Variants in UGGT1 observed in about 807,000 individuals in gnomAD.
UGGT1 encodes UDP-glucose glycoprotein glucosyltransferase 1, also known as UDP-glucose:glycoprotein glucosyltransferase 1.
Under a neutral mutation model 203.9 loss-of-function variants are expected in UGGT1, and 107 were observed. That is an observed-to-expected ratio of 0.52 (90% CI 0.45 to 0.62). The LOEUF (loss-of-function observed/expected upper bound fraction) is 0.62, where lower values mean the gene tolerates loss of function less well. Ranked by LOEUF, UGGT1 falls within the 20% of genes least tolerant of loss-of-function variation. The probability of loss-of-function intolerance (pLI) is 0.00; values close to 1 mark genes in which losing one functional copy is unlikely to be tolerated. For synonymous variants in UGGT1, 628 were observed against 653.5 expected, an observed-to-expected ratio of 0.96 and a Z score of 0.59; for missense variants, 1,673 against 1,867.2, an observed-to-expected ratio of 0.90 and a Z score of 1.92.
At chr2:128,132,463 G>A (rs141240240) in intron 13 of UGGT1, among the ~76,000 whole-genome samples, 169 of 152,220 alleles carry the variant, frequency 1.1e-3, no homozygotes, top group African/African-American at 2.4e-3. Context: ...CACGAGAATC[G>A]TTTGAACCCA....
At chr2:128,173,644 C>T (rs907895234) in intron 29 of UGGT1, 137 bp from the exon 30 acceptor site, 1 of 1,095,134 alleles carries the variant, frequency 9.1e-7, no homozygotes. Flanking sequence ...ATACTTTTGT[C>T]TTTTCTTGAA....
In UGGT1 at chr2:128,189,697, G is replaced by A. The variant is rs752873831; in HGVS notation, c.4643-20G>A. 3.7e-6 allele frequency: 6 copies of A among 1,608,610 alleles called. No individual in the cohort carries two copies. The highest frequency in any genetic ancestry group is 1.1e-5 in the South Asian group (1 of 90,172). On this transcript the variant is annotated intron_variant, in intron 40 of 40. Coordinates refer to ENST00000259253, the MANE Select transcript of UGGT1 (RefSeq NM_020120.4). ...TTGAAGATCATCTGTTTTCTTTTCT[G>A]TGGTTCTCCTTTTCCTTAGGTCCTC...
intron 38 of UGGT1, 98 bp from the exon 39 acceptor site, chr2:128,186,585 T>G: frequency 1.0e-6 from 1 of 958,516 alleles, no homozygotes; most frequent in South Asian, 1.7e-5. Context: ...CCAACCTGGG[T>G]GACAGAGTGG....
chr2:128,185,946 G>A (rs1009401782), intron 38 of UGGT1, among the ~76,000 whole-genome samples: 2 of 152,042 alleles, frequency 1.3e-5, no homozygotes, highest in Admixed American at 6.5e-5. Flanking sequence ...GGTAGCATTG[G>A]CTAGAAAAAA....
At position 128,189,834 on chromosome 2, in the gene UGGT1, A is replaced by T; in HGVS notation, c.*92A>T. 1 of 1,469,504 alleles carries T rather than the reference A, an allele frequency of 6.8e-7. No homozygotes were observed. 91.0% of individuals were successfully genotyped at this position (1,469,504 alleles called of 1,614,324 possible). On this transcript the variant is annotated 3_prime_UTR_variant, in exon 41 of 41. Coordinates refer to ENST00000259253, the MANE Select transcript of UGGT1 (RefSeq NM_020120.4). Reference sequence around the variant, plus strand: ...CTGATCTGTCTATACAACTGCTGATAAGCCGGCTGGGCAGGAGTGCCACAC... The same window carrying T: ...CTGATCTGTCTATACAACTGCTGATTAGCCGGCTGGGCAGGAGTGCCACAC...
At chr2:128,157,784 C>T (rs1351453220) in intron 22 of UGGT1, among the ~76,000 whole-genome samples, 2 of 152,170 alleles carry the variant, frequency 1.3e-5, no homozygotes, top group Non-Finnish European at 2.9e-5. Flanking sequence ...GGGATACACA[C>T]ATAGGTGTTC....
At chr2:128,100,120 C>A (rs1237877992) in intron 2 of UGGT1, among the ~76,000 whole-genome samples, 1 of 149,464 alleles carries the variant, frequency 6.7e-6, no homozygotes, top group Non-Finnish European at 1.5e-5. Context: ...ACCTCTGCCT[C>A]CCAGGTTCAA....
At chr2:128,164,697 A>G in intron 25 of UGGT1, 33 bp from the exon 26 acceptor site, 4 of 1,579,038 alleles carry the variant, frequency 2.5e-6, no homozygotes, top group African/African-American at 1.3e-5. Flanking sequence ...TCAGTTAAAA[A>G]GATGTTAAGA....
chr2:128,141,828 A>C (rs1447316161), intron 16 of UGGT1, among the ~76,000 whole-genome samples: 4 of 151,976 alleles, frequency 2.6e-5, no homozygotes, highest in African/African-American at 7.2e-5. Flanking sequence ...AAAAAAAATC[A>C]AATAAATAAT....
chr2:128,138,095 GA>G (rs202129211), intron 15 of UGGT1, among the ~76,000 whole-genome samples: 30 of 148,044 alleles, frequency 2.0e-4, no homozygotes, highest in African/African-American at 4.7e-4. Context: ...TTTAAAATCA[GA>G]AAAAAAAAAT....
At chr2:128,160,659 G>C in intron 24 of UGGT1, 68 bp downstream of exon 24, 1 of 1,535,650 alleles carries the variant, frequency 6.5e-7, no homozygotes, top group South Asian at 1.2e-5. Context: ...CTCCTCTGAA[G>C]CTAGTAAACT....
Position 128,171,253 on chromosome 2 carries a change from C to A in UGGT1, c.3073C>A (p.Gln1025Lys), listed in dbSNP as rs757882355. 1 of 1,613,310 alleles carries A rather than the reference C, an allele frequency of 6.2e-7. No individual in the cohort carries two copies. The highest frequency in any genetic ancestry group is 8.5e-7 in the Non-Finnish European group (1 of 1,179,722). ...GAATCTGAGAGTATTTATGAACTGCCAATCCAAACTTTCTGACATGCCTTT... is the reference window on the plus strand; with the variant it reads ...GAATCTGAGAGTATTTATGAACTGCAAATCCAAACTTTCTGACATGCCTTT... ...NMNLRVFMNC[Q>K]SKLSDMPLKS... is the part of the protein sequence containing the mutation. Residue 1025 changes from glutamine (Q) to lysine (K), a missense_variant, in exon 28 of 41, where the codon CAA becomes AAA. Physicochemically the swap from Gln to Lys is moderately conservative, Grantham distance 53 (BLOSUM62 1). Around this residue, in one of 4 missense-constraint regions of UGGT1, gnomAD observed 513 missense variants for 684.1 expected, o/e 0.75. Transcript: ENST00000259253.
At chr2:128,184,854 G>A (rs886869657) in intron 38 of UGGT1, among the ~76,000 whole-genome samples, 1 of 152,048 alleles carries the variant, frequency 6.6e-6, no homozygotes, top group African/African-American at 2.4e-5. Context: ...GCTAATTTTT[G>A]TATTTTCAGT....
chr2:128,136,219 A>C (rs537402958), intron 15 of UGGT1, among the ~76,000 whole-genome samples: 1 of 152,152 alleles, frequency 6.6e-6, no homozygotes, highest in African/African-American at 2.4e-5. Flanking sequence ...ATATTGATAC[A>C]TTATTATTAA....
chr2:128,183,818 T>C, intron 38 of UGGT1, 29 bp downstream of exon 38: 1 of 1,539,584 alleles, frequency 6.5e-7, no homozygotes, highest in Admixed American at 1.7e-5. Flanking sequence ...TGGTTAACTG[T>C]GAGTGACGGG....
intron 1 of UGGT1, among the ~76,000 whole-genome samples, chr2:128,092,542 C>CT (rs970978897): frequency 9.6e-5 from 14 of 146,242 alleles, no homozygotes; most frequent in African/African-American, 2.5e-4. Context: ...TGAGCATTTT[C>CT]TTTTTTTATC....
At chr2:128,181,296 G>A (rs191219185) in intron 36 of UGGT1, among the ~76,000 whole-genome samples, 2 of 152,270 alleles carry the variant, frequency 1.3e-5, no homozygotes, top group African/African-American at 4.8e-5. Flanking sequence ...ATGACATAAT[G>A]TGTGCAGTTT....
Position 128,097,281 on chromosome 2 carries a change from C to A in UGGT1, c.59-148C>A, listed in dbSNP as rs1403862632. On this transcript the variant is annotated intron_variant, in intron 1 of 40. Transcript: ENST00000259253. ...ATCCCAGCTACTGGGGAGGCTGAGG[C>A]AGGAGAATCGCTTGAACCTGGGAGG... is the stretch of plus-strand genomic sequence containing the variant. 6.0e-6 allele frequency: 5 copies of A among 834,976 alleles called. 1 individual carries two copies. Among genetic ancestry groups the A allele is most frequent in the Non-Finnish European group, 7.1e-6 (4 of 563,638 alleles). The allele number at this position is 834,976 out of a possible 1,614,324, so 51.7% of individuals were successfully genotyped here.
chr2:128,165,203 G>T (rs1399795062), intron 26 of UGGT1, among the ~76,000 whole-genome samples: 1 of 152,168 alleles, frequency 6.6e-6, no homozygotes, highest in East Asian at 1.9e-4. Flanking sequence ...AGTGTGGGAG[G>T]ATCGCTTGAG....
Sources: allele counts gnomAD v4.1 joint callset (sites outside exome capture counted in the v4.1 genomes callset), GRCh38; gene constraint gnomAD v4.1.1; regional missense constraint gnomAD v4.1.1; transcripts MANE v1.5; gene names NCBI Gene and HGNC (gene_info 2026-07-23, HGNC 2026-07-21).